ARHGAP32: variants seen among roughly 807,000 people sequenced by gnomAD.
The protein encoded by ARHGAP32 is rho GTPase-activating protein 32.
Under a neutral mutation model 186.5 loss-of-function variants are expected in ARHGAP32, and 51 were observed. That is an observed-to-expected ratio of 0.27 (90% CI 0.22 to 0.35). The LOEUF is 0.35. ARHGAP32 is among the 10% of genes least tolerant of loss of function. The probability of loss-of-function intolerance (pLI) is 1.00; values close to 1 mark genes in which losing one functional copy is unlikely to be tolerated. For synonymous variants in ARHGAP32, 950 were observed against 964.3 expected (o/e 0.99, Z 0.27); for missense variants, 2,186 against 2,623.5 (o/e 0.83, Z 3.64).
rs569784324 is a variant in ARHGAP32, at chr11:129,190,266, C to T, written c.116+1817G>A. 1.2e-3 allele frequency among the ~76,000 whole-genome samples: 187 copies of T among 152,316 alleles called. 2 individuals carry two copies. The highest frequency in any genetic ancestry group is 3.4e-3 in the Middle Eastern group (1 of 294). On this transcript the variant is annotated intron_variant, in intron 1 of 22. Coordinates refer to ENST00000682385, the MANE Select transcript of ARHGAP32 (RefSeq NM_001378024.1). The stretch of plus-strand genomic sequence containing the variant: ...GGGCATCTCGGCAGGAACACCACCA[C>T]GAGGTTGTGAAACCACTCTGCTGCC...
At chr11:129,179,239 G>A (rs1244629030) in intron 1 of ARHGAP32, among the ~76,000 whole-genome samples, 1 of 152,104 alleles carries the variant, frequency 6.6e-6, no homozygotes, top group Non-Finnish European at 1.5e-5. Flanking sequence ...CAAAACCACA[G>A]TGAGATACCA....
At chr11:129,169,177 G>A (rs978560664) in intron 1 of ARHGAP32, among the ~76,000 whole-genome samples, 1 of 151,870 alleles carries the variant, frequency 6.6e-6, no homozygotes, top group Non-Finnish European at 1.5e-5. Flanking sequence ...AAAATAGAAA[G>A]TAAATGCATA....
chr11:129,099,556 T>G (rs376160435), intron 5 of ARHGAP32, among the ~76,000 whole-genome samples: 1 of 151,924 alleles, frequency 6.6e-6, no homozygotes, highest in East Asian at 1.9e-4. Flanking sequence ...GAGATACACT[T>G]TAGACCCAAA....
intron 1 of ARHGAP32, among the ~76,000 whole-genome samples, chr11:129,266,043 A>T (rs1050924983): frequency 6.6e-6 from 1 of 152,202 alleles, no homozygotes; most frequent in African/African-American, 2.4e-5. Flanking sequence ...AAAGGAAAAC[A>T]ATGTAACAAA....
chr11:129,226,546 ATTC>A (rs1420005563), intron 1 of ARHGAP32, among the ~76,000 whole-genome samples: 4 of 152,142 alleles, frequency 2.6e-5, no homozygotes, highest in Non-Finnish European at 5.9e-5. Context: ...CCATTATGGC[ATTC>A]TTTTCTGTTA....
At chr11:129,106,906 C>A (rs1484605497) in intron 5 of ARHGAP32, among the ~76,000 whole-genome samples, 2 of 151,978 alleles carry the variant, frequency 1.3e-5, no homozygotes, top group Non-Finnish European at 2.9e-5. Flanking sequence ...GAGAATGGGG[C>A]AAATATTATT....
chr11:129,062,476 T>G, intron 9 of ARHGAP32, 119 bp from the exon 10 acceptor site: 5 of 649,974 alleles, frequency 7.7e-6, no homozygotes, highest in Non-Finnish European at 1.2e-5. Context: ...CTCTGGCCAG[T>G]AATTTCCAAA....
intron 11 of ARHGAP32, among the ~76,000 whole-genome samples, chr11:129,017,161 A>G (rs2134866532): frequency 6.6e-6 from 1 of 152,276 alleles, no homozygotes; most frequent in South Asian, 2.1e-4. Context: ...TTCCTCATCT[A>G]TGAAAAAGTT....
At chr11:129,020,474 C>A (rs1275121417) in intron 11 of ARHGAP32, among the ~76,000 whole-genome samples, 1 of 151,994 alleles carries the variant, frequency 6.6e-6, no homozygotes, top group Non-Finnish European at 1.5e-5. Context: ...TTGTTTACTT[C>A]TTTATTTGCT....
chr11:129,202,010 CTATT>C (rs1020465089), intron 1 of ARHGAP32, among the ~76,000 whole-genome samples: 5 of 151,538 alleles, frequency 3.3e-5, no homozygotes, highest in African/African-American at 1.2e-4. Context: ...GTCTGTGTCT[CTATT>C]TATTTATATA....
chr11:128,990,200 A>G (rs2134682297), intron 12 of ARHGAP32, among the ~76,000 whole-genome samples: 1 of 152,300 alleles, frequency 6.6e-6, no homozygotes, highest in African/African-American at 2.4e-5. Context: ...CAGGTAAACT[A>G]TCACTCTTTA....
intron 1 of ARHGAP32, among the ~76,000 whole-genome samples, chr11:129,179,563 G>T (rs1489958334): frequency 1.3e-5 from 2 of 151,560 alleles, no homozygotes; most frequent in South Asian, 2.1e-4. Context: ...AACAATGATA[G>T]ACTGGATTAA....
chr11:129,009,711 C>T (rs908977734), intron 11 of ARHGAP32, among the ~76,000 whole-genome samples: 1 of 152,022 alleles, frequency 6.6e-6, no homozygotes, highest in Non-Finnish European at 1.5e-5. Flanking sequence ...GTATATGTAT[C>T]CCTTTTTTTT....
At chr11:129,178,258 G>C (rs1943965721) in intron 1 of ARHGAP32, among the ~76,000 whole-genome samples, 1 of 152,070 alleles carries the variant, frequency 6.6e-6, no homozygotes, top group African/African-American at 2.4e-5. Context: ...CCTCTTCAAG[G>C]AGAACTACAA....
Position 128,967,979 on chromosome 11 carries a change from A to G in ARHGAP32, c.*928T>C, listed in dbSNP as rs961875660. ...GAAAGTTGATAATTTAGGAAAACCAATGGTATGACATGTTTTACTAGAATT... is the reference window on the plus strand; with the variant it reads ...GAAAGTTGATAATTTAGGAAAACCAGTGGTATGACATGTTTTACTAGAATT... On this transcript the variant is annotated 3_prime_UTR_variant, in exon 23 of 23. Transcript: ENST00000682385. 2 of 147,766 alleles carry G rather than the reference A, an allele frequency of 1.4e-5. No homozygotes were observed. Among genetic ancestry groups the G allele is most frequent in the Middle Eastern group, 3.5e-3 (1 of 284 alleles). The allele number at this position is 147,766 out of a possible 1,614,324, so 9.2% of individuals were successfully genotyped here.
intron 1 of ARHGAP32, among the ~76,000 whole-genome samples, chr11:129,219,407 G>A (rs765476401): frequency 3.9e-5 from 6 of 152,128 alleles, no homozygotes; most frequent in Non-Finnish European, 8.8e-5. Context: ...AGTTCAAGCT[G>A]AGACACCTTT....
At chr11:129,223,167 C>T (rs1057205495) in intron 1 of ARHGAP32, among the ~76,000 whole-genome samples, 1 of 152,134 alleles carries the variant, frequency 6.6e-6, no homozygotes, top group Admixed American at 6.6e-5. Context: ...TTTCCACTTA[C>T]AGTACACATT....
At chr11:128,978,972 C>T in intron 18 of ARHGAP32, 57 bp from the exon 19 acceptor site, 1 of 1,483,904 alleles carries the variant, frequency 6.7e-7, no homozygotes, top group East Asian at 2.3e-5. Flanking sequence ...TCTTTTCTTA[C>T]AGAAAAGAAA....
intron 1 of ARHGAP32, among the ~76,000 whole-genome samples, chr11:129,222,059 A>G (rs1944719453): frequency 6.6e-6 from 1 of 152,128 alleles, no homozygotes; most frequent in Non-Finnish European, 1.5e-5. Context: ...AACTATAGCT[A>G]CTATTGGAGT....
Sources: gnomAD v4.1 joint callset for allele counts (sites outside exome capture counted in the v4.1 genomes callset) on GRCh38, gnomAD v4.1.1 for gene constraint, MANE v1.5 for transcripts, NCBI Gene and HGNC (gene_info 2026-07-23, HGNC 2026-07-21) for gene names.